Variants in SGCZ observed in about 807,000 individuals in gnomAD.
SGCZ encodes the protein sarcoglycan zeta, also known as zeta-sarcoglycan.
In SGCZ, 40 loss-of-function variants were observed where a neutral mutation model predicts 41.3. The ratio of observed to expected loss-of-function variants is 0.97; its 90% CI spans 0.75 to 1.26. The LOEUF is 1.26. SGCZ is among the 50% of genes most tolerant of loss of function. The pLI, the probability that SGCZ is intolerant of heterozygous loss-of-function variation, is 0.00. For synonymous variants in SGCZ, 206 were observed against 137.5 expected, an observed-to-expected ratio of 1.50 and a Z score of -3.49; for missense variants, 552 against 369.8, an observed-to-expected ratio of 1.49 and a Z score of -4.04.
At chr8:14,705,123 G>A (rs1405972354) in intron 1 of SGCZ, among the ~76,000 whole-genome samples, 2 of 151,856 alleles carry the variant, frequency 1.3e-5, no homozygotes, top group Admixed American at 6.6e-5. Flanking sequence ...GCCTAGTTAA[G>A]GGTTCCTTCA....
chr8:14,390,446 T>C (rs1252618222), intron 2 of SGCZ, among the ~76,000 whole-genome samples: 1 of 151,834 alleles, frequency 6.6e-6, no homozygotes, highest in East Asian at 1.9e-4. Context: ...AATTTAAAAA[T>C]TAAATTTGCA....
chr8:14,224,924 G>T (rs1020875408), intron 4 of SGCZ, among the ~76,000 whole-genome samples: 3 of 152,050 alleles, frequency 2.0e-5, no homozygotes, highest in African/African-American at 7.2e-5. Context: ...AAATTACTTT[G>T]GTTTATTTTG....
chr8:15,178,659 C>T (rs1031005693), intron 1 of SGCZ, among the ~76,000 whole-genome samples: 4 of 152,132 alleles, frequency 2.6e-5, no homozygotes, highest in African/African-American at 9.7e-5. Flanking sequence ...TGCCAGTTCC[C>T]CATCTTCCTT....
chr8:14,918,129 G>C (rs1799491582), intron 1 of SGCZ, among the ~76,000 whole-genome samples: 1 of 152,146 alleles, frequency 6.6e-6, no homozygotes, highest in Non-Finnish European at 1.5e-5. Flanking sequence ...AATCTTTTAA[G>C]ATGGAAAATG....
At chr8:14,702,367 C>CAAG (rs1231361506) in intron 1 of SGCZ, among the ~76,000 whole-genome samples, 1 of 151,846 alleles carries the variant, frequency 6.6e-6, no homozygotes, top group African/African-American at 2.4e-5. Flanking sequence ...TCCACACACT[C>CAAG]TTCTTAAGTG....
intron 3 of SGCZ, among the ~76,000 whole-genome samples, chr8:14,251,788 G>T (rs984439924): frequency 2.0e-5 from 3 of 151,928 alleles, no homozygotes; most frequent in Non-Finnish European, 4.4e-5. Context: ...GTAAAATGTG[G>T]CCTGGGATAC....
chr8:14,615,271 GCAAA>G (rs1365905124), intron 1 of SGCZ, among the ~76,000 whole-genome samples: 1 of 152,096 alleles, frequency 6.6e-6, no homozygotes, highest in African/African-American at 2.4e-5. Context: ...TAAGAATATA[GCAAA>G]CAGCCAGATT....
intron 6 of SGCZ, among the ~76,000 whole-genome samples, chr8:14,103,953 C>T (rs574154025): frequency 2.0e-4 from 31 of 152,150 alleles, no homozygotes; most frequent in African/African-American, 7.2e-4. Context: ...GATACACAAC[C>T]CTTCTAGAAC....
At position 14,477,900 on chromosome 8, in the gene SGCZ, TA is replaced by T. The variant is rs543846664; in HGVS notation, c.234+76831del. Among the ~76,000 whole-genome samples the T allele has an allele frequency of 2.6e-3, 395 of 152,344 alleles. 4 individuals carry two copies. The highest frequency in any genetic ancestry group is 8.7e-3 in the African/African-American group (363 of 41,578). ...CAGCTCTCAATATACAGTTAACTTT[TA>T]TCTTCTGGAGATTTTTAGACTTTAA... is the stretch of plus-strand genomic sequence containing the variant. On this transcript the variant is annotated intron_variant, in intron 2 of 7. Coordinates refer to ENST00000382080, the MANE Select transcript of SGCZ (RefSeq NM_139167.4).
At chr8:14,403,341 T>A (rs1255487357) in intron 2 of SGCZ, among the ~76,000 whole-genome samples, 1 of 150,750 alleles carries the variant, frequency 6.6e-6, no homozygotes, top group African/African-American at 2.5e-5. Context: ...ATAGGAGTGG[T>A]GAGAGAGGGC....
chr8:14,304,251 T>C (rs1016524991), intron 3 of SGCZ, among the ~76,000 whole-genome samples: 11 of 151,646 alleles, frequency 7.3e-5, no homozygotes, highest in Non-Finnish European at 1.6e-4. Context: ...GAGACCAGCC[T>C]AGGCAACATG....
intron 1 of SGCZ, among the ~76,000 whole-genome samples, chr8:14,567,516 TCAAAA>T (rs1585086647): frequency 1.3e-5 from 2 of 152,214 alleles, no homozygotes; most frequent in African/African-American, 4.8e-5. Flanking sequence ...CAGCACCTTG[TCAAAA>T]CAAACCAATC....
intron 1 of SGCZ, among the ~76,000 whole-genome samples, chr8:15,100,094 C>T (rs1357184495): frequency 6.6e-6 from 1 of 152,032 alleles, no homozygotes. Flanking sequence ...TACCAAAAGT[C>T]ATAGCTAATC....
At chr8:14,898,915 T>C (rs1805301190) in intron 1 of SGCZ, among the ~76,000 whole-genome samples, 1 of 152,140 alleles carries the variant, frequency 6.6e-6, no homozygotes, top group Admixed American at 6.5e-5. Context: ...TCTGAGAAAA[T>C]ATATTTCAGA....
At chr8:14,552,282 C>T (rs2117184651) in intron 2 of SGCZ, among the ~76,000 whole-genome samples, 1 of 152,102 alleles carries the variant, frequency 6.6e-6, no homozygotes, top group Non-Finnish European at 1.5e-5. Context: ...CTGAAGTCTG[C>T]AACTACATAA....
chr8:14,573,290 C>T lies in SGCZ; in HGVS notation c.40-18364G>A, dbSNP rs113049919. Among the ~76,000 whole-genome samples the T allele has an allele frequency of 7.0e-3, 1,044 of 148,534 alleles. 10 individuals are homozygous for T. Among genetic ancestry groups the T allele is most frequent in the African/African-American group, 0.025 (994 of 40,514 alleles). On this transcript the variant is annotated intron_variant, in intron 1 of 7. Transcript: ENST00000382080. ...TCGGCTCACTGCAAGCTCCGCCTCC[C>T]GGGTTCAAGCCGTTCTCCGGCCTCA...
At chr8:14,123,828 G>C (rs1326379220) in intron 5 of SGCZ, among the ~76,000 whole-genome samples, 1 of 152,088 alleles carries the variant, frequency 6.6e-6, no homozygotes, top group Non-Finnish European at 1.5e-5. Flanking sequence ...GATGACAAAT[G>C]ATACTGATTG....
At chr8:15,229,053 G>T (rs776727426) in intron 1 of SGCZ, among the ~76,000 whole-genome samples, 1 of 152,094 alleles carries the variant, frequency 6.6e-6, no homozygotes. Flanking sequence ...TCAGCCAGGC[G>T]TGATGGCGGG....
intron 2 of SGCZ, among the ~76,000 whole-genome samples, chr8:14,460,059 G>T (rs1444372584): frequency 6.6e-6 from 1 of 152,088 alleles, no homozygotes. Context: ...ATGTCACTTG[G>T]TCAACAGCAT....
Sources: gnomAD v4.1 joint callset for allele counts (sites outside exome capture counted in the v4.1 genomes callset) on GRCh38, gnomAD v4.1.1 for gene constraint, MANE v1.5 for transcripts, NCBI Gene and HGNC (gene_info 2026-07-23, HGNC 2026-07-21) for gene names.